PACSIN1: variants seen among roughly 807,000 people sequenced by gnomAD.
The protein encoded by PACSIN1 is protein kinase C and casein kinase substrate in neurons protein 1.
In PACSIN1, 15 loss-of-function variants were observed where a neutral mutation model predicts 59.5. The ratio of observed to expected loss-of-function variants is 0.25; its 90% CI spans 0.17 to 0.39. The LOEUF (loss-of-function observed/expected upper bound fraction) is 0.39, where lower values mean the gene tolerates loss of function less well. Ranked by LOEUF, PACSIN1 falls within the 10% of genes least tolerant of loss-of-function variation. PACSIN1 has a pLI of 1.00. For synonymous variants in PACSIN1, 210 were observed against 220.6 expected (o/e 0.95, Z 0.42); for missense variants, 420 against 580.2 (o/e 0.72, Z 2.84).
In PACSIN1 at chr6:34,516,237, G is replaced by C. The variant is rs1483095608; in HGVS notation, c.-63-10006G>C. ...CAGAGGGCCTGGTGCAGGGGCTGAG[G>C]AGGGGTCACATGATGGGTAGGGGCA... On this transcript the variant is annotated intron_variant, in intron 1 of 9. Coordinates refer to ENST00000244458, the MANE Select transcript of PACSIN1 (RefSeq NM_020804.5). The surrounding 1 kb of genome is among the most constrained non-coding windows in gnomAD (Gnocchi z 5.4). Among the ~76,000 whole-genome samples the C allele has an allele frequency of 6.6e-6, 1 of 152,182 alleles. No homozygotes were observed. The highest frequency in any genetic ancestry group is 1.5e-5 in the Non-Finnish European group (1 of 68,022).
At chr6:34,503,731 C>CT (rs1168388002) in intron 1 of PACSIN1, among the ~76,000 whole-genome samples, 17 of 152,240 alleles carry the variant, frequency 1.1e-4, no homozygotes, top group South Asian at 6.2e-4. Flanking sequence ...GCAACAGCCT[C>CT]TTTTTTGTTG....
At chr6:34,490,073 GTT>G in intron 1 of PACSIN1, among the ~76,000 whole-genome samples, 1 of 147,698 alleles carries the variant, frequency 6.8e-6, no homozygotes, top group Admixed American at 6.8e-5. Context: ...GTTCTCTCTT[GTT>G]TTTTTTTTGT....
rs1249468862 is a variant in PACSIN1, at chr6:34,529,069, C to A, written c.456+192C>A. On this transcript the variant is annotated intron_variant, in intron 4 of 9. Transcript: ENST00000244458. This position sits in a 1 kb window ranked among gnomAD's most constrained non-coding sequence, Gnocchi z 6.3. The stretch of plus-strand genomic sequence containing the variant: ...AGGCAGTGCCCATTGGGTAAGGAGA[C>A]CCATGGGCAAAAAGGGGCACTGTCC... Among the ~76,000 whole-genome samples the A allele has an allele frequency of 1.3e-5, 2 of 152,032 alleles. No individual in the cohort carries two copies. The highest frequency in any genetic ancestry group is 4.8e-5 in the African/African-American group (2 of 41,414).
rs1191593094 is a variant in PACSIN1 at position 34,530,121 on chromosome 6, T to C, written c.789-122T>C. 27 of 1,344,698 alleles carry C rather than the reference T, an allele frequency of 2.0e-5. No individual in the cohort carries two copies. Among genetic ancestry groups the C allele is most frequent in the Non-Finnish European group, 2.5e-5 (25 of 999,874 alleles). The allele number at this position is 1,344,698 out of a possible 1,614,324, so 83.3% of individuals were successfully genotyped here. On this transcript the variant is annotated intron_variant, in intron 6 of 9. Transcript: ENST00000244458. This position sits in a 1 kb window ranked among gnomAD's most constrained non-coding sequence, Gnocchi z 4.4. ...GCTTATTCTTGCAAAGCCCACATGA[T>C]TCCTGGCTGGGCAGCATGCCCAGCA...
intron 1 of PACSIN1, among the ~76,000 whole-genome samples, chr6:34,489,510 G>A (rs1027925511): frequency 6.6e-6 from 1 of 152,146 alleles, no homozygotes; most frequent in Non-Finnish European, 1.5e-5. Flanking sequence ...TCAATGGCAG[G>A]TAGTTTCAGA....
At chr6:34,526,530 C>A (rs1202872244) in intron 2 of PACSIN1, among the ~76,000 whole-genome samples, 162 bp downstream of exon 2, 1 of 152,228 alleles carries the variant, frequency 6.6e-6, no homozygotes, top group Non-Finnish European at 1.5e-5. Flanking sequence ...CATGAAGTGG[C>A]TAAGAGCACT....
At chr6:34,475,674 G>A (rs1444202509) in intron 1 of PACSIN1, among the ~76,000 whole-genome samples, 3 of 152,176 alleles carry the variant, frequency 2.0e-5, no homozygotes, top group Admixed American at 6.5e-5. Flanking sequence ...GGGGAAGGGG[G>A]CAGCTGTGAG....
chr6:34,502,707 C>T (rs1199669261), intron 1 of PACSIN1, among the ~76,000 whole-genome samples: 1 of 152,010 alleles, frequency 6.6e-6, no homozygotes, highest in African/African-American at 2.4e-5. Context: ...ACCTTGTGAT[C>T]TGCCCACCTC....
Position 34,526,381 on chromosome 6 carries a change from T to G in PACSIN1, c.63+13T>G. The G allele has an allele frequency of 6.2e-7, 1 of 1,610,782 alleles. No individual in the cohort carries two copies. The highest frequency in any genetic ancestry group is 8.5e-7 in the Non-Finnish European group (1 of 1,178,610). On this transcript the variant is annotated intron_variant, in intron 2 of 9. Transcript: ENST00000244458. ...CAGCTTCTGGGAGGTGAGGCTCTCA[T>G]GATCCCCAGGTTCGGGGACCAGACA...
Position 34,484,490 on chromosome 6 carries a change from A to T in PACSIN1, c.-64+18220A>T, listed in dbSNP as rs1766763928. Among the ~76,000 whole-genome samples the T allele has an allele frequency of 2.0e-5, 3 of 152,326 alleles. No homozygotes were observed. The South Asian group carries it at 6.2e-4, about 32-fold the overall frequency. ...CAGGTAGAAAGCACAGAGGATTTTT[A>T]GGGCAGGCAACTTTTCTGTATGATA... is the stretch of plus-strand genomic sequence containing the variant. On this transcript the variant is annotated intron_variant, in intron 1 of 9. Coordinates refer to ENST00000244458, the MANE Select transcript of PACSIN1 (RefSeq NM_020804.5).
chr6:34,510,051 C>G (rs1198997364), intron 1 of PACSIN1, among the ~76,000 whole-genome samples: 1 of 152,248 alleles, frequency 6.6e-6, no homozygotes, highest in African/African-American at 2.4e-5. Context: ...ACACAGCAAA[C>G]TACCTCAACT....
intron 1 of PACSIN1, among the ~76,000 whole-genome samples, chr6:34,468,374 A>T (rs1766526604): frequency 1.3e-5 from 2 of 152,030 alleles, no homozygotes; most frequent in Middle Eastern, 3.4e-3. Flanking sequence ...AAGGGACTCA[A>T]CCCCCTCCCT....
At chr6:34,476,814 C>G (rs1345430985) in intron 1 of PACSIN1, among the ~76,000 whole-genome samples, 1 of 152,184 alleles carries the variant, frequency 6.6e-6, no homozygotes, top group Non-Finnish European at 1.5e-5. Context: ...CAGGGGACTT[C>G]CTACTTTCCT....
intron 1 of PACSIN1, among the ~76,000 whole-genome samples, chr6:34,524,304 C>G (rs1201405280): frequency 6.6e-6 from 1 of 152,160 alleles, no homozygotes; most frequent in Non-Finnish European, 1.5e-5. Flanking sequence ...AGCTCTCCCC[C>G]AGCACAGGCC....
At chr6:34,510,678 G>A (rs1767187399) in intron 1 of PACSIN1, among the ~76,000 whole-genome samples, 1 of 152,110 alleles carries the variant, frequency 6.6e-6, no homozygotes, top group Non-Finnish European at 1.5e-5. Flanking sequence ...ATTCTAAAAT[G>A]TTCCTGCCTC....
At chr6:34,477,486 C>T (rs1766655836) in intron 1 of PACSIN1, among the ~76,000 whole-genome samples, 2 of 152,088 alleles carry the variant, frequency 1.3e-5, no homozygotes, top group African/African-American at 4.8e-5. Context: ...ACAGGCATTC[C>T]CTGCAACAGC....
intron 1 of PACSIN1, among the ~76,000 whole-genome samples, chr6:34,507,779 C>T (rs574622588): frequency 1.8e-4 from 27 of 152,260 alleles, no homozygotes; most frequent in African/African-American, 5.5e-4. Flanking sequence ...TTTTAGATAC[C>T]TCATGTAAGT....
In PACSIN1 at chr6:34,531,897, T is replaced by C. The variant is rs1429368848; in HGVS notation, c.1225+110T>C. On this transcript the variant is annotated intron_variant, in intron 9 of 9. Transcript: ENST00000244458. The surrounding 1 kb of genome is among the most constrained non-coding windows in gnomAD (Gnocchi z 4.4). ...GAAGCTTGGGTCTGGATTGGGTGTG[T>C]GGTGGTGCAGGGGCGGTGCCTGAGA... 9.3e-7 allele frequency: 1 copy of C among 1,073,994 alleles called. No individual in the cohort carries two copies. The highest frequency in any genetic ancestry group is 2.5e-5 in the East Asian group (1 of 40,070). The allele number at this position is 1,073,994 out of a possible 1,614,324, so 66.5% of individuals were successfully genotyped here. A position where few individuals can be genotyped will look rare whatever the true frequency, so the allele number is the denominator to read the frequency against.
At chr6:34,519,235 C>T (rs1230176945) in intron 1 of PACSIN1, among the ~76,000 whole-genome samples, 3 of 152,116 alleles carry the variant, frequency 2.0e-5, no homozygotes, top group Non-Finnish European at 4.4e-5. Flanking sequence ...CCAGCTGGTC[C>T]CCTCTGCCCT....
Sources: gnomAD v4.1 joint callset for allele counts (sites outside exome capture counted in the v4.1 genomes callset) on GRCh38, gnomAD v4.1.1 for gene constraint, Gnocchi (gnomAD v3.1) non-coding constraint, MANE v1.5 for transcripts, NCBI Gene and HGNC (gene_info 2026-07-23, HGNC 2026-07-21) for gene names.